DTWD2: variants seen among roughly 807,000 people sequenced by gnomAD.
DTWD2 encodes tRNA-uridine aminocarboxypropyltransferase 2.
A neutral mutation model predicts 31.8 loss-of-function variants in DTWD2; 39 were observed. The ratio of observed to expected loss-of-function variants is 1.22; its 90% CI spans 0.95 to 1.60. The LOEUF (loss-of-function observed/expected upper bound fraction) is 1.60, where lower values mean the gene tolerates loss of function less well. Ranked by LOEUF, DTWD2 falls within the 40% of genes most tolerant of loss-of-function variation. DTWD2 has a pLI of 0.00. For synonymous variants in DTWD2, 180 were observed against 142.8 expected, an observed-to-expected ratio of 1.26 and a Z score of -1.86; for missense variants, 515 against 381.5, an observed-to-expected ratio of 1.35 and a Z score of -2.92.
intron 4 of DTWD2, among the ~76,000 whole-genome samples, chr5:118,904,735 A>C (rs1198590843): frequency 6.6e-6 from 1 of 152,150 alleles, no homozygotes; most frequent in African/African-American, 2.4e-5. Context: ...AGAACTGATA[A>C]CATGTGGAGA....
At chr5:118,888,145 G>C (rs567145033) in intron 4 of DTWD2, among the ~76,000 whole-genome samples, 1 of 152,242 alleles carries the variant, frequency 6.6e-6, no homozygotes, top group East Asian at 1.9e-4. Context: ...AATTTGATAA[G>C]ATTTGACATA....
intron 4 of DTWD2, among the ~76,000 whole-genome samples, chr5:118,904,505 A>AT (rs1361152713): frequency 1.3e-5 from 2 of 152,056 alleles, no homozygotes; most frequent in Non-Finnish European, 2.9e-5. Flanking sequence ...GGAATAAAAC[A>AT]TTTTTTGTCT....
intron 3 of DTWD2, among the ~76,000 whole-genome samples, chr5:118,932,010 TTA>T (rs1310377113): frequency 6.6e-6 from 1 of 152,176 alleles, no homozygotes; most frequent in Non-Finnish European, 1.5e-5. Flanking sequence ...AGGGAAATTT[TTA>T]AATATTTTGA....
At chr5:118,924,872 C>T (rs553594094) in intron 4 of DTWD2, among the ~76,000 whole-genome samples, 86 of 152,194 alleles carry the variant, frequency 5.7e-4, no homozygotes, top group African/African-American at 1.9e-3. Context: ...ACTTTGGTTT[C>T]CTCATCTGTT....
chr5:118,985,513 T>TATACATAC (rs1755406821), intron 1 of DTWD2, among the ~76,000 whole-genome samples: 2 of 129,372 alleles, frequency 1.5e-5, no homozygotes, highest in Admixed American at 1.6e-4. Context: ...TATATATATA[T>TATACATAC]ATATACACAC....
At chr5:118,984,577 T>A (rs533592852) in intron 1 of DTWD2, among the ~76,000 whole-genome samples, 1 of 152,186 alleles carries the variant, frequency 6.6e-6, no homozygotes, top group Non-Finnish European at 1.5e-5. Flanking sequence ...GTTTAGTAAA[T>A]GGGTGTTAAA....
intron 4 of DTWD2, among the ~76,000 whole-genome samples, chr5:118,884,715 T>C (rs1192983274): frequency 6.6e-6 from 1 of 152,146 alleles, no homozygotes; most frequent in Non-Finnish European, 1.5e-5. Context: ...TTAAAAACCT[T>C]CCAGGTTGGG....
At chr5:118,975,779 G>T (rs746900671) in intron 1 of DTWD2, among the ~76,000 whole-genome samples, 3 of 152,070 alleles carry the variant, frequency 2.0e-5, no homozygotes, top group Admixed American at 6.5e-5. Context: ...ATACTGGACC[G>T]ATCAATGAGA....
At chr5:118,986,195 G>GA (rs200023417) in intron 1 of DTWD2, among the ~76,000 whole-genome samples, 47 of 149,232 alleles carry the variant, frequency 3.1e-4, no homozygotes, top group East Asian at 5.8e-4. Context: ...GTCTTTATCT[G>GA]AAAAAAAAAA....
intron 1 of DTWD2, among the ~76,000 whole-genome samples, chr5:118,954,855 C>T (rs551027529): frequency 1.3e-5 from 2 of 152,236 alleles, no homozygotes; most frequent in South Asian, 2.1e-4. Flanking sequence ...CTTCTCTAAA[C>T]CTTTGAATGC....
At chr5:118,961,173 T>C (rs920945275) in intron 1 of DTWD2, among the ~76,000 whole-genome samples, 2 of 152,124 alleles carry the variant, frequency 1.3e-5, no homozygotes, top group East Asian at 1.9e-4. Flanking sequence ...GAGATGAATA[T>C]ATACAGCAGC....
rs576595296 is a variant in DTWD2 at position 118,900,798 on chromosome 5, G to A, written c.597+27739C>T. Among the ~76,000 whole-genome samples, 15 of 152,168 alleles carry A rather than the reference G, an allele frequency of 9.9e-5. 1 individual carries two copies. The highest frequency in any genetic ancestry group is 2.9e-4 in the African/African-American group (12 of 41,520). On this transcript the variant is annotated intron_variant, in intron 4 of 5. Coordinates refer to ENST00000510708, the MANE Select transcript of DTWD2 (RefSeq NM_173666.4). Reference sequence around the variant, plus strand: ...AAATTAGCCAGGCGTGGTGGCAGATGTCTGTAGTCCCAGCTACTCGGGAGG... The same window carrying A: ...AAATTAGCCAGGCGTGGTGGCAGATATCTGTAGTCCCAGCTACTCGGGAGG...
At chr5:118,948,147 G>A (rs1272172511) in intron 1 of DTWD2, among the ~76,000 whole-genome samples, 1 of 152,154 alleles carries the variant, frequency 6.6e-6, no homozygotes. Flanking sequence ...CTTAGCTGGT[G>A]AGTGGCGATT....
chr5:118,930,345 T>C (rs1011987546), intron 3 of DTWD2, among the ~76,000 whole-genome samples: 1 of 152,066 alleles, frequency 6.6e-6, no homozygotes, highest in African/African-American at 2.4e-5. Flanking sequence ...CAAAATGCTA[T>C]TAAGGGGAAA....
chr5:118,887,241 T>C (rs1208982470), intron 4 of DTWD2, among the ~76,000 whole-genome samples: 1 of 152,308 alleles, frequency 6.6e-6, no homozygotes, highest in Middle Eastern at 3.4e-3. Flanking sequence ...CTCTAAAAGT[T>C]TGTGCAAGAA....
chr5:118,845,937 T>C (rs1751842164), intron 5 of DTWD2, among the ~76,000 whole-genome samples: 1 of 152,154 alleles, frequency 6.6e-6, no homozygotes, highest in African/African-American at 2.4e-5. Context: ...CATCAATAAA[T>C]GCCTCGGGTT....
chr5:118,967,862 C>T (rs753721034), intron 1 of DTWD2, among the ~76,000 whole-genome samples: 6 of 152,024 alleles, frequency 3.9e-5, no homozygotes, highest in Admixed American at 6.6e-5. Flanking sequence ...AAAATTTGAG[C>T]AGAAACAGTA....
chr5:118,888,165 C>G (rs1217989027), intron 4 of DTWD2, among the ~76,000 whole-genome samples: 2 of 152,120 alleles, frequency 1.3e-5, no homozygotes, highest in Non-Finnish European at 2.9e-5. Context: ...ATGTATATAC[C>G]TGTGAAATCA....
chr5:118,958,663 C>G (rs1287080455), intron 1 of DTWD2, among the ~76,000 whole-genome samples: 1 of 150,314 alleles, frequency 6.7e-6, no homozygotes, highest in East Asian at 1.9e-4. Context: ...AACCTACAAG[C>G]CAATATCCTT....
Sources: allele counts gnomAD v4.1 joint callset (sites outside exome capture counted in the v4.1 genomes callset), GRCh38; gene constraint gnomAD v4.1.1; transcripts MANE v1.5; gene names NCBI Gene and HGNC (gene_info 2026-07-23, HGNC 2026-07-21).